The following CDK19 variants were observed in gnomAD, a reference collection of about 807,000 sequenced individuals.
The protein encoded by CDK19 is cyclin-dependent kinase 19.
CDK19 carries 20 observed loss-of-function variants against 68.3 expected under a neutral mutation model. The observed-to-expected ratio is 0.29, with a 90% confidence interval of 0.21 to 0.43. CDK19 has a LOEUF of 0.43. CDK19 is among the 20% of genes least tolerant of loss of function. CDK19 has a pLI of 1.00. For missense variants in CDK19, 339 were observed against 623.5 expected (o/e 0.54, Z 4.86); for synonymous variants, 221 against 222.8 (o/e 0.99, Z 0.07).
chr6:110,725,836 A>T (rs1776277814), intron 2 of CDK19, among the ~76,000 whole-genome samples: 1 of 152,230 alleles, frequency 6.6e-6, no homozygotes, highest in East Asian at 1.9e-4. Context: ...CTTTTACATA[A>T]GCAAGATAGG....
chr6:110,694,766 A>C (rs1773328937), intron 2 of CDK19, among the ~76,000 whole-genome samples: 1 of 152,226 alleles, frequency 6.6e-6, no homozygotes, highest in Non-Finnish European at 1.5e-5. Context: ...AAAAAGTGTC[A>C]GTAAATTTAA....
chr6:110,810,356 A>G (rs966234249), intron 1 of CDK19, among the ~76,000 whole-genome samples: 1 of 152,236 alleles, frequency 6.6e-6, no homozygotes, highest in Non-Finnish European at 1.5e-5. Flanking sequence ...GATTGATTTT[A>G]TAGGAAAATG....
intron 1 of CDK19, among the ~76,000 whole-genome samples, chr6:110,785,149 A>C (rs1370217125): frequency 1.3e-5 from 2 of 151,978 alleles, no homozygotes; most frequent in African/African-American, 2.4e-5. Flanking sequence ...CTAATTCATC[A>C]ATCAGTCAAT....
intron 1 of CDK19, among the ~76,000 whole-genome samples, chr6:110,811,881 A>ATT (rs35714459): frequency 2.7e-4 from 39 of 141,958 alleles, no homozygotes; most frequent in Admixed American, 4.3e-4. Flanking sequence ...TTTAAACCGG[A>ATT]TTTTTTTTTT....
chr6:110,626,150 T>C (rs188890022), intron 8 of CDK19, among the ~76,000 whole-genome samples: 1 of 152,342 alleles, frequency 6.6e-6, no homozygotes, highest in East Asian at 1.9e-4. Context: ...CTGAGAACTT[T>C]ATTCATGCTA....
intron 2 of CDK19, among the ~76,000 whole-genome samples, chr6:110,686,810 T>C (rs926281065): frequency 2.0e-5 from 3 of 152,256 alleles, no homozygotes; most frequent in Non-Finnish European, 4.4e-5. Context: ...AATTTTATCC[T>C]ATGTGGCCAT....
Position 110,728,344 on chromosome 6 carries a change from A to T in CDK19, c.204+17782T>A, listed in dbSNP as rs1379651990. On this transcript the variant is annotated intron_variant, in intron 2 of 12. Transcript: ENST00000368911. ...AGCACATGCTATCTATTAGAAGTCAAATTAGCTGCCAAAGCCAGAAAAAAC... is the reference window on the plus strand; with the variant it reads ...AGCACATGCTATCTATTAGAAGTCATATTAGCTGCCAAAGCCAGAAAAAAC... Among the ~76,000 whole-genome samples, 7 of 151,990 alleles carry T rather than the reference A, an allele frequency of 4.6e-5. No homozygotes were observed. The East Asian group carries it at 1.4e-3, about 29-fold the overall frequency.
chr6:110,638,789 A>G (rs1779945959), intron 4 of CDK19, 83 bp from the exon 5 acceptor site: 1 of 773,672 alleles, frequency 1.3e-6, no homozygotes, highest in Non-Finnish European at 2.2e-6. Flanking sequence ...TTATCATATA[A>G]AAAATCATTT....
At chr6:110,788,359 T>C (rs1225409025) in intron 1 of CDK19, among the ~76,000 whole-genome samples, 2 of 152,052 alleles carry the variant, frequency 1.3e-5, no homozygotes, top group African/African-American at 4.8e-5. Flanking sequence ...GGTCCCATTA[T>C]GTTGCCTAGG....
chr6:110,714,957 C>A (rs1202608336), intron 2 of CDK19, among the ~76,000 whole-genome samples: 3 of 152,134 alleles, frequency 2.0e-5, no homozygotes, highest in Non-Finnish European at 4.4e-5. Context: ...TGGTCTTGAA[C>A]TCCTGACCTC....
At chr6:110,711,958 G>A (rs914620580) in intron 2 of CDK19, among the ~76,000 whole-genome samples, 1 of 152,226 alleles carries the variant, frequency 6.6e-6, no homozygotes, top group African/African-American at 2.4e-5. Flanking sequence ...GGGTGACACT[G>A]CGAGACTCCG....
At chr6:110,810,167 A>C (rs1226440391) in intron 1 of CDK19, among the ~76,000 whole-genome samples, 1 of 152,252 alleles carries the variant, frequency 6.6e-6, no homozygotes, top group Non-Finnish European at 1.5e-5. Flanking sequence ...GGTGGCAGGT[A>C]TAAAGACTAC....
At chr6:110,781,741 G>A (rs1780840514) in intron 1 of CDK19, among the ~76,000 whole-genome samples, 1 of 152,006 alleles carries the variant, frequency 6.6e-6, no homozygotes, top group South Asian at 2.1e-4. Flanking sequence ...CTACTCAGGA[G>A]GCTGAGGTGG....
chr6:110,794,427 G>A lies in CDK19; in HGVS notation c.128+20582C>T, dbSNP rs771860727. Among the ~76,000 whole-genome samples the A allele has an allele frequency of 5.4e-5, 7 of 129,310 alleles. No individual in the cohort carries two copies. In the South Asian group the frequency reaches 7.3e-4, roughly 14 times the overall value. The allele number at this position is 129,310 out of a possible 152,430, so 84.8% of individuals were successfully genotyped here. A position where few individuals can be genotyped will look rare whatever the true frequency, so the allele number is the denominator to read the frequency against. On this transcript the variant is annotated intron_variant, in intron 1 of 12. Transcript: ENST00000368911. ...GAAACTTTTTTTTTTTTTTTGAGAC[G>A]CGTCTCACTCTGTCACCAGGCTGGA...
chr6:110,723,077 G>A (rs376092841), intron 2 of CDK19, among the ~76,000 whole-genome samples: 6 of 143,702 alleles, frequency 4.2e-5, no homozygotes, highest in African/African-American at 1.3e-4. Flanking sequence ...GTCTGAGTGT[G>A]CACTTGTAAC....
chr6:110,693,275 AG>A (rs1456574457), intron 2 of CDK19, among the ~76,000 whole-genome samples: 2 of 152,220 alleles, frequency 1.3e-5, no homozygotes, highest in Non-Finnish European at 2.9e-5. Context: ...AGTGTGAGAG[AG>A]GGAAAAGTCT....
chr6:110,717,272 C>T lies in CDK19; in HGVS notation c.204+28854G>A, dbSNP rs535800651. Among the ~76,000 whole-genome samples, 6 of 151,828 alleles carry T rather than the reference C, an allele frequency of 4.0e-5. No individual in the cohort carries two copies. The South Asian group carries it at 1.2e-3, about 32-fold the overall frequency. On this transcript the variant is annotated intron_variant, in intron 2 of 12. Coordinates refer to ENST00000368911, the MANE Select transcript of CDK19 (RefSeq NM_015076.5). ...GTATATATCCCTTATGAATGATATA[C>T]TTGGGCCCCTGTATATACATTGATA...
chr6:110,660,821 T>C lies in CDK19; in HGVS notation c.456+6613A>G, dbSNP rs113424857. ...ACAGGATGGGGAGCAGGGCAAGTCATGGGTGGTTTTGGAAAAGGCAACATT... is the reference window on the plus strand; with the variant it reads ...ACAGGATGGGGAGCAGGGCAAGTCACGGGTGGTTTTGGAAAAGGCAACATT... On this transcript the variant is annotated intron_variant, in intron 4 of 12. Transcript: ENST00000368911. Among the ~76,000 whole-genome samples the C allele has an allele frequency of 1.9e-3, 285 of 152,282 alleles. 2 individuals carry two copies. The highest frequency in any genetic ancestry group is 3.4e-3 in the Non-Finnish European group (228 of 68,018).
At chr6:110,687,537 TA>T (rs1186340555) in intron 2 of CDK19, among the ~76,000 whole-genome samples, 1 of 152,134 alleles carries the variant, frequency 6.6e-6, no homozygotes, top group Non-Finnish European at 1.5e-5. Flanking sequence ...TTGTTTCCAT[TA>T]AACAAAAATG....
Sources: gnomAD v4.1 joint callset for allele counts (sites outside exome capture counted in the v4.1 genomes callset) on GRCh38, gnomAD v4.1.1 for gene constraint, MANE v1.5 for transcripts, NCBI Gene and HGNC (gene_info 2026-07-23, HGNC 2026-07-21) for gene names.